MACROD2: variants seen among roughly 807,000 people sequenced by gnomAD.
The protein encoded by MACROD2 is ADP-ribose glycohydrolase MACROD2.
A neutral mutation model predicts 70.4 loss-of-function variants in MACROD2; 36 were observed. The observed-to-expected ratio is 0.51, with a 90% CI of 0.39 to 0.68. MACROD2 has a LOEUF of 0.68. Ranked by LOEUF, MACROD2 falls within the 30% of genes least tolerant of loss-of-function variation. MACROD2 has a pLI of 0.00. For missense variants in MACROD2, 496 were observed against 538.4 expected (o/e 0.92, Z 0.78); for synonymous variants, 172 against 178.8 (o/e 0.96, Z 0.30).
At chr20:14,986,526 G>A (rs1282394868) in intron 5 of MACROD2, among the ~76,000 whole-genome samples, 2 of 152,098 alleles carry the variant, frequency 1.3e-5, no homozygotes, top group African/African-American at 2.4e-5. Context: ...AACTCTTTAA[G>A]TCTTGTTAGC....
chr20:14,261,807 CAGT>C (rs2122315154), intron 3 of MACROD2, among the ~76,000 whole-genome samples: 1 of 152,270 alleles, frequency 6.6e-6, no homozygotes, highest in South Asian at 2.1e-4. Flanking sequence ...GACTAATTCA[CAGT>C]AGAGCATGTG....
chr20:15,955,038 C>T (rs2065957508), intron 12 of MACROD2, among the ~76,000 whole-genome samples: 1 of 152,130 alleles, frequency 6.6e-6, no homozygotes. Flanking sequence ...TTGAAACATA[C>T]TAAGGAGCTT....
intron 8 of MACROD2, among the ~76,000 whole-genome samples, chr20:15,663,448 C>T (rs933010717): frequency 6.6e-6 from 1 of 151,942 alleles, no homozygotes; most frequent in Admixed American, 6.6e-5. Flanking sequence ...GTTGCCTAGG[C>T]TGGTCTTGAA....
intron 4 of MACROD2, among the ~76,000 whole-genome samples, chr20:14,560,229 A>G (rs1005593755): frequency 1.3e-5 from 2 of 151,224 alleles, no homozygotes; most frequent in African/African-American, 4.8e-5. Flanking sequence ...TAAAAGCATG[A>G]GTTTTTGCAG....
At chr20:15,989,144 T>G (rs1601283514) in intron 15 of MACROD2, among the ~76,000 whole-genome samples, 1 of 152,192 alleles carries the variant, frequency 6.6e-6, no homozygotes, top group East Asian at 1.9e-4. Context: ...ATGCACTCCA[T>G]AAGTATTTAG....
intron 10 of MACROD2, among the ~76,000 whole-genome samples, chr20:15,908,235 A>G (rs768371823): frequency 5.9e-5 from 9 of 152,158 alleles, no homozygotes; most frequent in Non-Finnish European, 1.3e-4. Flanking sequence ...AATGGGGGGA[A>G]AAGTACTAAG....
chr20:15,883,334 G>A (rs960273455), intron 9 of MACROD2, among the ~76,000 whole-genome samples: 8 of 152,036 alleles, frequency 5.3e-5, no homozygotes. Flanking sequence ...GTTCAGGGAA[G>A]AATCTATGAA....
At chr20:15,786,731 A>C (rs2051934288) in intron 8 of MACROD2, among the ~76,000 whole-genome samples, 1 of 152,248 alleles carries the variant, frequency 6.6e-6, no homozygotes, top group Non-Finnish European at 1.5e-5. Context: ...TTGAAAATGA[A>C]GGGATAAAGA....
chr20:14,342,163 C>T (rs910098855), intron 3 of MACROD2, among the ~76,000 whole-genome samples: 1 of 152,122 alleles, frequency 6.6e-6, no homozygotes, highest in Admixed American at 6.5e-5. Context: ...CAGATAAGCC[C>T]AGCCTTACTC....
intron 5 of MACROD2, among the ~76,000 whole-genome samples, chr20:14,846,880 C>G (rs557648759): frequency 6.6e-6 from 1 of 152,084 alleles, no homozygotes; most frequent in African/African-American, 2.4e-5. Context: ...TAAAAATGTT[C>G]ATTACCATTT....
intron 5 of MACROD2, among the ~76,000 whole-genome samples, chr20:14,811,612 G>A (rs1333203068): frequency 6.6e-6 from 1 of 152,080 alleles, no homozygotes; most frequent in Non-Finnish European, 1.5e-5. Context: ...CTTCTGCACA[G>A]CAAAAGAAAC....
At chr20:15,204,434 A>G (rs2076683836) in intron 5 of MACROD2, among the ~76,000 whole-genome samples, 1 of 152,052 alleles carries the variant, frequency 6.6e-6, no homozygotes, top group South Asian at 2.1e-4. Context: ...TCTCAGCATC[A>G]CTTCTTTTTA....
intron 3 of MACROD2, among the ~76,000 whole-genome samples, chr20:14,338,462 G>T (rs1464155244): frequency 1.3e-5 from 2 of 151,894 alleles, no homozygotes; most frequent in Non-Finnish European, 2.9e-5. Context: ...GTATTAAATG[G>T]TCTGTTCTTT....
At chr20:15,033,003 C>G (rs577623940) in intron 5 of MACROD2, among the ~76,000 whole-genome samples, 12 of 152,222 alleles carry the variant, frequency 7.9e-5, no homozygotes, top group Admixed American at 7.2e-4. Context: ...TCCACTTATA[C>G]GAGGTAACCA....
chr20:14,912,524 GT>G (rs2074040194), intron 5 of MACROD2, among the ~76,000 whole-genome samples: 1 of 152,118 alleles, frequency 6.6e-6, no homozygotes, highest in South Asian at 2.1e-4. Context: ...GAATTTTCTA[GT>G]ATTTCTCCTA....
chr20:14,996,780 A>G (rs1162150313), intron 5 of MACROD2, among the ~76,000 whole-genome samples: 1 of 152,202 alleles, frequency 6.6e-6, no homozygotes, highest in Non-Finnish European at 1.5e-5. Flanking sequence ...GAATTCAGCC[A>G]GTGCCCATGG....
At chr20:15,991,760 A>G (rs1213804848) in intron 15 of MACROD2, among the ~76,000 whole-genome samples, 1 of 152,112 alleles carries the variant, frequency 6.6e-6, no homozygotes, top group African/African-American at 2.4e-5. Context: ...CAGTTTTACC[A>G]TTTGTTTTCT....
At position 14,532,646 on chromosome 20, in the gene MACROD2, C is replaced by T. The variant is rs115749469; in HGVS notation, c.301+39138C>T. On this transcript the variant is annotated intron_variant, in intron 4 of 17. Coordinates refer to ENST00000684519, the MANE Select transcript of MACROD2 (RefSeq NM_001351661.2). ...AGGTTAGTTTTCATTAGCAGTTTCT[C>T]CCCCCTCTTGGTTAAGAGAGTGAAT... Among the ~76,000 whole-genome samples the T allele has an allele frequency of 8.2e-3, 1,241 of 152,168 alleles. 19 individuals carry two copies. The highest frequency in any genetic ancestry group is 0.029 in the African/African-American group (1,198 of 41,506).
intron 10 of MACROD2, among the ~76,000 whole-genome samples, chr20:15,892,435 A>C (rs1465068233): frequency 6.6e-6 from 1 of 152,252 alleles, no homozygotes; most frequent in African/African-American, 2.4e-5. Context: ...TGGGACATAC[A>C]GAAGTTGTTT....
Sources: gnomAD v4.1 joint callset for allele counts (sites outside exome capture counted in the v4.1 genomes callset) on GRCh38, gnomAD v4.1.1 for gene constraint, MANE v1.5 for transcripts, NCBI Gene and HGNC (gene_info 2026-07-23, HGNC 2026-07-21) for gene names.